The following RAPGEF2 variants were observed in gnomAD, a reference collection of about 807,000 sequenced individuals.
RAPGEF2 encodes PDZ domain containing guanine nucleotide exchange factor (GEF) 1.
A neutral mutation model predicts 186.7 loss-of-function variants in RAPGEF2; 54 were observed. The ratio of observed to expected loss-of-function variants is 0.29; its 90% confidence interval spans 0.23 to 0.36. The LOEUF is 0.36. Ranked by LOEUF, RAPGEF2 falls within the 10% of genes least tolerant of loss-of-function variation. RAPGEF2 has a pLI of 1.00. For missense variants in RAPGEF2, 1,532 were observed against 2,045.0 expected (o/e 0.75, Z 4.84); for synonymous variants, 712 against 705.9 (o/e 1.01, Z -0.14).
chr4:159,119,139 AT>A (rs1014479992), intron 1 of RAPGEF2, among the ~76,000 whole-genome samples: 5 of 151,954 alleles, frequency 3.3e-5, no homozygotes, highest in African/African-American at 9.7e-5. Context: ...CTCCAGGCTT[AT>A]TTTTTTTATA....
chr4:159,150,887 C>T (rs559678562), intron 1 of RAPGEF2, among the ~76,000 whole-genome samples: 76 of 152,298 alleles, frequency 5.0e-4, no homozygotes, highest in Middle Eastern at 3.4e-3. Flanking sequence ...CCTGACTGCC[C>T]TCCTTCTCTG....
rs1238713650 is a variant in RAPGEF2, at chr4:159,359,091, A to G, written c.*952A>G. The G allele has an allele frequency of 1.3e-5, 2 of 151,892 alleles. No individual in the cohort carries two copies. The highest frequency in any genetic ancestry group is 2.9e-5 in the Non-Finnish European group (2 of 68,012). 9.4% of individuals were successfully genotyped at this position (151,892 alleles called of 1,614,324 possible). ...TCCATTGAGATGGATGGCAAACCCC[A>G]TTTTTAAGTTATATTTCTTTGATTT... On this transcript the variant is annotated 3_prime_UTR_variant, in exon 30 of 30. Transcript: ENST00000691494.
At position 159,315,096 on chromosome 4, in the gene RAPGEF2, T is replaced by G. The variant is rs562702015; in HGVS notation, c.853+328T>G. ...AGTATTACTTCTATTAATTTTCTCGTGAGCACTGTTTTTATTAAGCTCATG... is the reference window on the plus strand; with the variant it reads ...AGTATTACTTCTATTAATTTTCTCGGGAGCACTGTTTTTATTAAGCTCATG... On this transcript the variant is annotated intron_variant, in intron 9 of 29. Coordinates refer to ENST00000691494, the MANE Select transcript of RAPGEF2 (RefSeq NM_001394067.2). Among the ~76,000 whole-genome samples, 268 of 152,140 alleles carry G rather than the reference T, an allele frequency of 1.8e-3. 2 individuals are homozygous for G. Among genetic ancestry groups the G allele is most frequent in the Non-Finnish European group, 1.9e-3 (128 of 67,984 alleles).
rs146313469 is a variant in RAPGEF2, at chr4:159,221,187, T to A, written c.281+10604T>A. ...AACACAGTAGGACCCAATTTTTCTC[T>A]CACAGAAAAGGACCCTGGGAGTGGA... On this transcript the variant is annotated intron_variant, in intron 4 of 29. Transcript: ENST00000691494. Among the ~76,000 whole-genome samples, 516 of 152,328 alleles carry A rather than the reference T, an allele frequency of 3.4e-3. 4 individuals are homozygous for A. The highest frequency in any genetic ancestry group is 0.012 in the African/African-American group (498 of 41,574).
intron 7 of RAPGEF2, among the ~76,000 whole-genome samples, chr4:159,251,552 T>C (rs959871659): frequency 1.3e-5 from 2 of 151,872 alleles, no homozygotes; most frequent in Non-Finnish European, 2.9e-5. Flanking sequence ...AGCGAGAGGA[T>C]TGTAAATGCA....
At position 159,353,670 on chromosome 4, in the gene RAPGEF2, G is replaced by A. The variant is rs1177628794; in HGVS notation, c.4275G>A (p.Gln1425=). 6.3e-7 allele frequency: 1 copy of A among 1,588,680 alleles called. No homozygotes were observed. The highest frequency in any genetic ancestry group is 1.8e-5 in the Admixed American group (1 of 56,668). ...SGSHDNIQTI[Q]HQRSWETLPF... ...CCCATGATAATATACAGACGATCCAGCACCAGAGAAGCTGGGAGACTCTTC... is the reference window on the plus strand; with the variant it reads ...CCCATGATAATATACAGACGATCCAACACCAGAGAAGCTGGGAGACTCTTC... Residue 1425 remains glutamine (Q), a synonymous_variant, in exon 28 of 30, where the codon CAG becomes CAA. Coordinates refer to ENST00000691494, the MANE Select transcript of RAPGEF2 (RefSeq NM_001394067.2). This position sits in a 1 kb window ranked among gnomAD's most constrained non-coding sequence, Gnocchi z 4.3.
intron 8 of RAPGEF2, among the ~76,000 whole-genome samples, chr4:159,305,520 A>G (rs181612926): frequency 2.6e-5 from 4 of 152,138 alleles, no homozygotes; most frequent in East Asian, 1.9e-4. Flanking sequence ...CCACTTTTTA[A>G]TGGGATTAAA....
intron 3 of RAPGEF2, among the ~76,000 whole-genome samples, chr4:159,203,063 A>G (rs1186316820): frequency 2.0e-5 from 3 of 152,070 alleles, no homozygotes; most frequent in Non-Finnish European, 4.4e-5. Flanking sequence ...TTGTTCTTTC[A>G]GTTCCCTTGT....
intron 1 of RAPGEF2, among the ~76,000 whole-genome samples, chr4:159,116,987 A>G (rs1739121635): frequency 6.6e-6 from 1 of 152,214 alleles, no homozygotes; most frequent in African/African-American, 2.4e-5. Flanking sequence ...ACTGTTACCT[A>G]TAACAAGCCT....
rs536112353 is a variant in RAPGEF2 at position 159,172,024 on chromosome 4, A to G, written c.70-14618A>G. 1.8e-4 allele frequency among the ~76,000 whole-genome samples: 28 copies of G among 152,256 alleles called. 1 individual carries two copies. The highest frequency in any genetic ancestry group is 6.0e-4 in the African/African-American group (25 of 41,542). On this transcript the variant is annotated intron_variant, in intron 1 of 29. Transcript: ENST00000691494. ...TATCAATATAATTTCAAGTAATGAC[A>G]TTATAAAAAAAAGGGAAGGTTACAG...
chr4:159,327,259 C>T (rs547366368), intron 11 of RAPGEF2: 3 of 152,182 alleles, frequency 2.0e-5, no homozygotes, highest in Non-Finnish European at 4.4e-5. Flanking sequence ...TGAATTCTTA[C>T]TTGAATTTTT....
At chr4:159,133,829 C>T (rs1388164144) in intron 1 of RAPGEF2, among the ~76,000 whole-genome samples, 23 of 152,074 alleles carry the variant, frequency 1.5e-4, no homozygotes, top group Admixed American at 9.2e-4. Context: ...GTGATCCGCC[C>T]GCCTCGGCCT....
At chr4:159,317,630 T>TC (rs1371304881) in intron 9 of RAPGEF2, among the ~76,000 whole-genome samples, 3 of 152,250 alleles carry the variant, frequency 2.0e-5, no homozygotes, top group African/African-American at 7.2e-5. Context: ...CTGTTCACTT[T>TC]CTTGGGTCCA....
chr4:159,258,024 A>G (rs1756386269), intron 7 of RAPGEF2, among the ~76,000 whole-genome samples: 1 of 152,172 alleles, frequency 6.6e-6, no homozygotes, highest in Non-Finnish European at 1.5e-5. Context: ...CTACTTTATG[A>G]CACACCTAGG....
chr4:159,322,591 A>G (rs531161771), intron 10 of RAPGEF2, 108 bp downstream of exon 10: 5 of 849,250 alleles, frequency 5.9e-6, no homozygotes, highest in Non-Finnish European at 9.3e-6. Context: ...ACCCAACAAC[A>G]GTAAGTTTGA....
chr4:159,309,792 G>A (rs1404794536), intron 8 of RAPGEF2, among the ~76,000 whole-genome samples: 1 of 152,154 alleles, frequency 6.6e-6, no homozygotes, highest in Non-Finnish European at 1.5e-5. Context: ...TAGATCAATA[G>A]AACAGAGAGT....
At chr4:159,114,344 C>T (rs962791073) in intron 1 of RAPGEF2, among the ~76,000 whole-genome samples, 95 of 151,944 alleles carry the variant, frequency 6.3e-4, no homozygotes, top group Non-Finnish European at 4.0e-4. Context: ...CCTCGTGATC[C>T]GCCCACTGCA....
At chr4:159,161,444 C>T (rs1744693952) in intron 1 of RAPGEF2, among the ~76,000 whole-genome samples, 1 of 152,180 alleles carries the variant, frequency 6.6e-6, no homozygotes, top group African/African-American at 2.4e-5. Context: ...GTGGTTTATG[C>T]CTGTAATCCC....
rs994756760 is a variant in RAPGEF2 at position 159,344,977 on chromosome 4, A to G, written c.3279-129A>G. The G allele has an allele frequency of 4.3e-6, 3 of 693,810 alleles. No homozygotes were observed. The East Asian group carries it at 7.8e-5, about 18-fold the overall frequency. 43.0% of individuals were successfully genotyped at this position (693,810 alleles called of 1,614,324 possible). ...GTATTATTCTATATTCCTGTGTAAC[A>G]GTTTACTCACTGGAATGAGGCATGT... is the stretch of plus-strand genomic sequence containing the variant. On this transcript the variant is annotated intron_variant, in intron 23 of 29. Coordinates refer to ENST00000691494, the MANE Select transcript of RAPGEF2 (RefSeq NM_001394067.2).
Sources: allele counts gnomAD v4.1 joint callset (sites outside exome capture counted in the v4.1 genomes callset), GRCh38; gene constraint gnomAD v4.1.1; non-coding constraint Gnocchi (gnomAD v3.1); transcripts MANE v1.5; gene names NCBI Gene and HGNC (gene_info 2026-07-23, HGNC 2026-07-21).